STRBP: variants seen among roughly 807,000 people sequenced by gnomAD.
The protein encoded by STRBP is spermatid perinuclear RNA-binding protein.
STRBP carries 13 observed loss-of-function variants against 80.1 expected under a neutral mutation model. The observed-to-expected ratio is 0.16, with a 90% CI of 0.11 to 0.26. The LOEUF is 0.26. Among genes scored for constraint, STRBP ranks in the 10% least tolerant of loss-of-function variants. The probability of loss-of-function intolerance (pLI) is 1.00; values close to 1 mark genes in which losing one functional copy is unlikely to be tolerated. For missense variants in STRBP, 485 were observed against 815.2 expected, an observed-to-expected ratio of 0.59 and a Z score of 4.93; for synonymous variants, 284 against 291.2, an observed-to-expected ratio of 0.98 and a Z score of 0.25.
rs951429430 is a variant in STRBP at position 123,268,570 on chromosome 9, G to C, written c.-436C>G. 25 of 167,810 alleles carry C rather than the reference G, an allele frequency of 1.5e-4. No individual in the cohort carries two copies. Among genetic ancestry groups the C allele is most frequent in the Admixed American group, 3.2e-4 (5 of 15,500 alleles). The allele number at this position is 167,810 out of a possible 1,614,324, so 10.4% of individuals were successfully genotyped here. ...GGCTGCTGCCCTGGTGGCGCTCGCG[G>C]CTCCGGTCTCCGCTTCGGCGGCGGC... On this transcript the variant is annotated 5_prime_UTR_variant, in exon 1 of 19. Transcript: ENST00000348403.
intron 1 of STRBP, among the ~76,000 whole-genome samples, chr9:123,241,512 G>T (rs548932027): frequency 6.7e-6 from 1 of 149,526 alleles, no homozygotes; most frequent in Non-Finnish European, 1.5e-5. Context: ...TTGTCAACCC[G>T]CACACACAAA....
intron 2 of STRBP, among the ~76,000 whole-genome samples, chr9:123,219,043 T>C (rs564487923): frequency 1.3e-5 from 2 of 152,144 alleles, no homozygotes; most frequent in East Asian, 3.9e-4. Flanking sequence ...GAGATTTAGG[T>C]TGGAAGATAA....
At chr9:123,173,273 A>G (rs1044945945) in intron 5 of STRBP, among the ~76,000 whole-genome samples, 4 of 152,236 alleles carry the variant, frequency 2.6e-5, no homozygotes, top group Admixed American at 2.6e-4. Flanking sequence ...AAAAATTACT[A>G]TCTATGAAAG....
At chr9:123,196,667 A>C (rs770802020) in intron 2 of STRBP, among the ~76,000 whole-genome samples, 109 of 152,344 alleles carry the variant, frequency 7.2e-4, no homozygotes, top group Non-Finnish European at 1.4e-3. Context: ...GAGAAATGCA[A>C]ATCAAAACTA....
At chr9:123,255,719 T>G (rs1272871411) in intron 1 of STRBP, among the ~76,000 whole-genome samples, 1 of 152,220 alleles carries the variant, frequency 6.6e-6, no homozygotes, top group Non-Finnish European at 1.5e-5. Flanking sequence ...TTCTGGGAGT[T>G]AGCTATATCA....
chr9:123,220,959 G>A (rs2040048296), intron 2 of STRBP, among the ~76,000 whole-genome samples: 1 of 151,896 alleles, frequency 6.6e-6, no homozygotes, highest in South Asian at 2.1e-4. Flanking sequence ...AATTCTTGGT[G>A]GAAAAAGCAA....
intron 2 of STRBP, among the ~76,000 whole-genome samples, chr9:123,216,993 C>T (rs115553070): frequency 6.6e-6 from 1 of 152,250 alleles, no homozygotes; most frequent in Non-Finnish European, 1.5e-5. Context: ...ATTTTAAGTG[C>T]CCTCAAGTAA....
At chr9:123,182,882 T>C (rs1402922274) in intron 3 of STRBP, among the ~76,000 whole-genome samples, 1 of 151,818 alleles carries the variant, frequency 6.6e-6, no homozygotes, top group African/African-American at 2.4e-5. Flanking sequence ...TGTGGTGGCA[T>C]GCGCCTATAA....
intron 1 of STRBP, among the ~76,000 whole-genome samples, chr9:123,241,534 A>AT (rs1461283074): frequency 6.0e-5 from 9 of 151,168 alleles, no homozygotes; most frequent in East Asian, 3.9e-4. Flanking sequence ...AAAAAAATCA[A>AT]TTTTTTTTTC....
chr9:123,239,480 T>C (rs1007461367), intron 1 of STRBP, among the ~76,000 whole-genome samples: 11 of 152,202 alleles, frequency 7.2e-5, no homozygotes, highest in African/African-American at 2.7e-4. Flanking sequence ...AACAAAGGCC[T>C]GTCCCAATGA....
At chr9:123,200,637 G>A (rs1464056295) in intron 2 of STRBP, among the ~76,000 whole-genome samples, 37 of 147,120 alleles carry the variant, frequency 2.5e-4, no homozygotes, top group Non-Finnish European at 4.9e-4. Flanking sequence ...GCGCGAACTC[G>A]GCTCACTGCA....
intron 17 of STRBP, among the ~76,000 whole-genome samples, chr9:123,130,517 A>G (rs1341649367): frequency 6.6e-6 from 1 of 152,086 alleles, no homozygotes; most frequent in Non-Finnish European, 1.5e-5. Flanking sequence ...GCAGGTGGTA[A>G]ATGGTCCGCG....
chr9:123,181,200 C>T (rs2132456635), intron 3 of STRBP, among the ~76,000 whole-genome samples: 1 of 152,296 alleles, frequency 6.6e-6, no homozygotes, highest in African/African-American at 2.4e-5. Context: ...AGTTTTCCAA[C>T]TGGTGCAGTT....
chr9:123,125,524 TA>T lies in STRBP; in HGVS notation c.*72del. The T allele has an allele frequency of 1.4e-6, 2 of 1,423,948 alleles. No homozygotes were observed. Among genetic ancestry groups the T allele is most frequent in the South Asian group, 1.9e-5 (1 of 53,744 alleles). 88.2% of individuals were successfully genotyped at this position (1,423,948 alleles called of 1,614,324 possible). ...AAGTATGTGTTCAAAGAAAGCAGGA[TA>T]AAAAGGCTTTTTCTCTAACATTCTG... On this transcript the variant is annotated 3_prime_UTR_variant, in exon 19 of 19. Transcript: ENST00000348403.
rs533223988 is a variant in STRBP, at chr9:123,261,748, A to G, written c.-302+6688T>C. Among the ~76,000 whole-genome samples, 14 of 152,304 alleles carry G rather than the reference A, an allele frequency of 9.2e-5. No homozygotes were observed. In the East Asian group the frequency reaches 2.5e-3, roughly 27 times the overall value. ...AAACAACCGAAAATATTCACACCAA[A>G]GTCTTGAGATTTTATTCTCTCCAGC... On this transcript the variant is annotated intron_variant, in intron 1 of 18. Coordinates refer to ENST00000348403, the MANE Select transcript of STRBP (RefSeq NM_018387.5).
At chr9:123,254,712 A>G (rs1318216308) in intron 1 of STRBP, among the ~76,000 whole-genome samples, 1 of 152,138 alleles carries the variant, frequency 6.6e-6, no homozygotes, top group Admixed American at 6.5e-5. Context: ...AAGCCATCAC[A>G]CCTCCGGTGA....
In STRBP at chr9:123,123,886, G is replaced by C. The variant is rs1215953322; in HGVS notation, c.*1711C>G. ...TCAGCAAAACGCATCAATGAAACAT[G>C]AAAACTCCCAGCTGAAATGGGCCCT... On this transcript the variant is annotated 3_prime_UTR_variant, in exon 19 of 19. Transcript: ENST00000348403. The C allele has an allele frequency of 1.0e-6, 1 of 985,264 alleles. No homozygotes were observed. The highest frequency in any genetic ancestry group is 1.2e-6 in the Non-Finnish European group (1 of 829,934). 61.0% of individuals were successfully genotyped at this position (985,264 alleles called of 1,614,324 possible).
intron 11 of STRBP, among the ~76,000 whole-genome samples, chr9:123,151,284 G>A (rs2037046331): frequency 6.6e-6 from 1 of 152,110 alleles, no homozygotes; most frequent in Non-Finnish European, 1.5e-5. Context: ...CAATAGATGG[G>A]AACTGTCAGA....
In STRBP at chr9:123,123,526, CA is replaced by C. The variant is rs2035796104; in HGVS notation, c.*2070del. The C allele has an allele frequency of 2.3e-5, 20 of 868,706 alleles. No homozygotes were observed. In the African/African-American group the frequency reaches 5.9e-4, roughly 25 times the overall value. 53.8% of individuals were successfully genotyped at this position (868,706 alleles called of 1,614,324 possible). A position where few individuals can be genotyped will look rare whatever the true frequency, so the allele number is the denominator to read the frequency against. On this transcript the variant is annotated 3_prime_UTR_variant, in exon 19 of 19. Coordinates refer to ENST00000348403, the MANE Select transcript of STRBP (RefSeq NM_018387.5). Reference sequence around the variant, plus strand: ...ATGGTTAGTAACTTCCAACAAACAACAAAATTAAAAAAAAAAAAAAAAGACT... The same window carrying C: ...ATGGTTAGTAACTTCCAACAAACAACAAATTAAAAAAAAAAAAAAAAGACT...
Sources: allele counts gnomAD v4.1 joint callset (sites outside exome capture counted in the v4.1 genomes callset), GRCh38; gene constraint gnomAD v4.1.1; transcripts MANE v1.5; gene names NCBI Gene and HGNC (gene_info 2026-07-23, HGNC 2026-07-21).